The following FHIT variants were observed in gnomAD, a reference collection of about 807,000 sequenced individuals.
The protein encoded by FHIT is bis(5'-adenosyl)-triphosphatase.
Under a neutral mutation model 17.9 loss-of-function variants are expected in FHIT, and 19 were observed. The observed-to-expected ratio is 1.06, with a 90% CI of 0.74 to 1.56. The LOEUF (loss-of-function observed/expected upper bound fraction) is 1.56. Ranked by LOEUF, FHIT falls within the 40% of genes most tolerant of loss-of-function variation. The pLI is 0.00. For missense variants in FHIT, 248 were observed against 189.2 expected (o/e 1.31, Z -1.82); for synonymous variants, 81 against 69.7 (o/e 1.16, Z -0.81).
intron 3 of FHIT, among the ~76,000 whole-genome samples, chr3:60,842,736 G>C (rs1175680877): frequency 2.0e-5 from 3 of 148,978 alleles, no homozygotes; most frequent in Non-Finnish European, 4.4e-5. Context: ...GATCATTCAA[G>C]TTAATGTGGG....
chr3:60,322,715 T>C (rs1165611347), intron 5 of FHIT, among the ~76,000 whole-genome samples: 1 of 152,174 alleles, frequency 6.6e-6, no homozygotes, highest in East Asian at 1.9e-4. Context: ...TATGATCACA[T>C]GGGTAGTCAC....
intron 5 of FHIT, among the ~76,000 whole-genome samples, chr3:60,495,828 A>G (rs1027663797): frequency 1.8e-4 from 27 of 152,318 alleles, no homozygotes; most frequent in African/African-American, 6.5e-4. Context: ...CTTTAATCAT[A>G]GTAATCAAAG....
chr3:60,654,927 A>G (rs2040079738), intron 4 of FHIT, among the ~76,000 whole-genome samples: 1 of 152,168 alleles, frequency 6.6e-6, no homozygotes, highest in Non-Finnish European at 1.5e-5. Context: ...AGAAAAGGGT[A>G]TTGAGTGCCC....
chr3:59,984,118 G>A (rs1395388002), intron 7 of FHIT, among the ~76,000 whole-genome samples: 1 of 152,030 alleles, frequency 6.6e-6, no homozygotes, highest in African/African-American at 2.4e-5. Flanking sequence ...TGAGAATTGG[G>A]CATGCTGCAC....
chr3:60,207,900 T>C (rs1012098361), intron 5 of FHIT, among the ~76,000 whole-genome samples: 7 of 152,204 alleles, frequency 4.6e-5, no homozygotes, highest in Admixed American at 1.3e-4. Flanking sequence ...ATTTTCTTCA[T>C]GCAATTTGGA....
chr3:60,009,165 A>T lies in FHIT; in HGVS notation c.279+2206T>A, dbSNP rs2361333. 9.2e-5 allele frequency among the ~76,000 whole-genome samples: 5 copies of T among 54,132 alleles called. No individual in the cohort carries two copies. In the East Asian group the frequency reaches 2.2e-3, roughly 24 times the overall value. 35.5% of individuals were successfully genotyped at this position (54,132 alleles called of 152,430 possible). ...AACCTTCATTGTTCTCTGGGATTTT[A>T]TGTGTGTGTGTGTGTGTGTGTGTGT... On this transcript the variant is annotated intron_variant, in intron 7 of 9. Transcript: ENST00000492590.
intron 5 of FHIT, among the ~76,000 whole-genome samples, chr3:60,407,313 A>G (rs1342740040): frequency 6.6e-6 from 1 of 151,970 alleles, no homozygotes; most frequent in Non-Finnish European, 1.5e-5. Flanking sequence ...CCAATTACAG[A>G]TGCCTAGTAG....
chr3:60,938,451 C>G (rs1708283538), intron 3 of FHIT, among the ~76,000 whole-genome samples: 1 of 152,138 alleles, frequency 6.6e-6, no homozygotes, highest in South Asian at 2.1e-4. Context: ...ACTCATGAGA[C>G]CAACATATAA....
chr3:60,255,491 C>T (rs1312039476), intron 5 of FHIT, among the ~76,000 whole-genome samples: 1 of 152,000 alleles, frequency 6.6e-6, no homozygotes, highest in Non-Finnish European at 1.5e-5. Flanking sequence ...CCGGACAGAG[C>T]AAGCACCACC....
intron 4 of FHIT, among the ~76,000 whole-genome samples, chr3:60,805,973 T>C (rs1398353952): frequency 6.6e-6 from 1 of 152,188 alleles, no homozygotes; most frequent in Non-Finnish European, 1.5e-5. Flanking sequence ...GCCATCACAA[T>C]GACATATACA....
At chr3:60,553,369 A>C in intron 4 of FHIT, 1 of 980,508 alleles carries the variant, frequency 1.0e-6, no homozygotes, top group Non-Finnish European at 1.2e-6. Flanking sequence ...ACGTAATGTG[A>C]ATCAGCAACC....
chr3:60,346,228 G>A (rs1044307891), intron 5 of FHIT, among the ~76,000 whole-genome samples: 1 of 152,056 alleles, frequency 6.6e-6, no homozygotes, highest in Non-Finnish European at 1.5e-5. Flanking sequence ...TTACAGCATT[G>A]GAAACCTAGA....
chr3:60,856,021 G>A (rs1044434342), intron 3 of FHIT, among the ~76,000 whole-genome samples: 2 of 152,134 alleles, frequency 1.3e-5, no homozygotes, highest in Non-Finnish European at 2.9e-5. Context: ...GAGAAATTAA[G>A]TTGTAATTAT....
chr3:60,909,166 C>T (rs1236699464), intron 3 of FHIT, among the ~76,000 whole-genome samples: 1 of 151,866 alleles, frequency 6.6e-6, no homozygotes, highest in African/African-American at 2.4e-5. Context: ...GTCAGGAGAT[C>T]GAGACCATCC....
chr3:60,523,539 C>T (rs1486975446), intron 5 of FHIT, among the ~76,000 whole-genome samples: 1 of 152,064 alleles, frequency 6.6e-6, no homozygotes, highest in Non-Finnish European at 1.5e-5. Flanking sequence ...TGTAAGGCAA[C>T]CTGTATGCAT....
chr3:60,064,381 C>G (rs1039295414), intron 5 of FHIT, among the ~76,000 whole-genome samples: 1 of 152,106 alleles, frequency 6.6e-6, no homozygotes. Flanking sequence ...TGCACCCCAC[C>G]CCCAACCAAA....
chr3:61,062,924 G>A (rs1229054150), intron 2 of FHIT, among the ~76,000 whole-genome samples: 3 of 152,136 alleles, frequency 2.0e-5, no homozygotes, highest in African/African-American at 7.2e-5. Context: ...TCCAAATGGC[G>A]CCTTGGAGGA....
In FHIT at chr3:60,072,589, G is replaced by A. The variant is rs139202882; in HGVS notation, c.104-58437C>T. On this transcript the variant is annotated intron_variant, in intron 5 of 9. Coordinates refer to ENST00000492590, the MANE Select transcript of FHIT (RefSeq NM_002012.4). ...CAATTAAGTCTTCAAGGTAGCCACC[G>A]TTATTGTTCCCATTCTATAGATGGA... Among the ~76,000 whole-genome samples, 106 of 152,248 alleles carry A rather than the reference G, an allele frequency of 7.0e-4. 2 individuals carry two copies. In the East Asian group the frequency reaches 0.014, roughly 20 times the overall value.
chr3:60,022,724 T>C (rs1017105691), intron 5 of FHIT, among the ~76,000 whole-genome samples: 1 of 152,186 alleles, frequency 6.6e-6, no homozygotes, highest in African/African-American at 2.4e-5. Flanking sequence ...AGGAAAGAAC[T>C]GAGGAATTTA....
Sources: allele counts gnomAD v4.1 joint callset (sites outside exome capture counted in the v4.1 genomes callset), GRCh38; gene constraint gnomAD v4.1.1; transcripts MANE v1.5; gene names NCBI Gene and HGNC (gene_info 2026-07-23, HGNC 2026-07-21).